The following TIMD4 variants were observed in gnomAD, a reference collection of about 807,000 sequenced individuals.
TIMD4 encodes T cell immunoglobulin and mucin domain containing 4.
In TIMD4, 31 loss-of-function variants were observed where a neutral mutation model predicts 41.2. The observed-to-expected ratio is 0.75, with a 90% confidence interval of 0.57 to 1.01. The LOEUF (loss-of-function observed/expected upper bound fraction) is 1.01, where lower values mean the gene tolerates loss of function less well. Ranked by LOEUF, TIMD4 falls within the 50% of genes least tolerant of loss-of-function variation. The pLI is 0.00. For synonymous variants in TIMD4, 204 were observed against 177.1 expected, an observed-to-expected ratio of 1.15 and a Z score of -1.21; for missense variants, 479 against 472.5, an observed-to-expected ratio of 1.01 and a Z score of -0.13.
In TIMD4 at chr5:156,960,803, G is replaced by A. The variant is rs1268271005; in HGVS notation, c.58+2338C>T. 2.6e-5 allele frequency among the ~76,000 whole-genome samples: 4 copies of A among 152,256 alleles called. No homozygotes were observed. The South Asian group carries it at 6.2e-4, about 24-fold the overall frequency. On this transcript the variant is annotated intron_variant, in intron 1 of 8. Coordinates refer to ENST00000274532, the MANE Select transcript of TIMD4 (RefSeq NM_138379.3). ...AGCAGACCTGGGCTGCCCTCATGGG[G>A]CCTGCAGAGTACCTAGGAAGATAGT... is the stretch of plus-strand genomic sequence containing the variant.
chr5:156,947,440 C>T (rs1561551452), intron 5 of TIMD4, among the ~76,000 whole-genome samples: 1 of 152,148 alleles, frequency 6.6e-6, no homozygotes, highest in Non-Finnish European at 1.5e-5. Flanking sequence ...GGTCACCATC[C>T]TAACTACAGA....
At chr5:156,927,165 T>G (rs1053770275) in intron 5 of TIMD4, among the ~76,000 whole-genome samples, 1 of 152,248 alleles carries the variant, frequency 6.6e-6, no homozygotes, top group African/African-American at 2.4e-5. Flanking sequence ...CATTGAAAGT[T>G]TTATTAGAAT....
At chr5:156,944,186 G>A (rs1759696378) in intron 5 of TIMD4, among the ~76,000 whole-genome samples, 1 of 152,144 alleles carries the variant, frequency 6.6e-6, no homozygotes, top group Non-Finnish European at 1.5e-5. Context: ...TGGGACCTAT[G>A]TCATATTTTC....
At chr5:156,951,921 C>T (rs1452636248) in intron 2 of TIMD4, 131 bp from the exon 3 acceptor site, 4 of 1,265,438 alleles carry the variant, frequency 3.2e-6, no homozygotes, top group African/African-American at 1.5e-5. Flanking sequence ...TTGTAATGCC[C>T]AATAAAATTG....
At chr5:156,921,951 C>G in intron 7 of TIMD4, 148 bp downstream of exon 7, 1 of 608,380 alleles carries the variant, frequency 1.6e-6, no homozygotes, top group East Asian at 2.9e-5. Flanking sequence ...AATGAACTTA[C>G]CTGTTACTTC....
At chr5:156,931,079 A>T (rs575692474) in intron 5 of TIMD4, among the ~76,000 whole-genome samples, 3 of 152,198 alleles carry the variant, frequency 2.0e-5, no homozygotes, top group African/African-American at 7.2e-5. Flanking sequence ...AGAGAGAGAG[A>T]TATTTGAAGA....
intron 6 of TIMD4, chr5:156,924,570 C>T: frequency 3.4e-6 from 1 of 290,108 alleles, no homozygotes; most frequent in Non-Finnish European, 7.0e-6. Flanking sequence ...TATCCATTAT[C>T]CACAGCAAGC....
intron 8 of TIMD4, 60 bp from the exon 9 acceptor site, chr5:156,919,601 C>A: frequency 1.4e-6 from 2 of 1,394,158 alleles, no homozygotes; most frequent in Non-Finnish European, 2.0e-6. Flanking sequence ...CAAAACAAAA[C>A]AGATGCTGCT....
At position 156,960,032 on chromosome 5, in the gene TIMD4, G is replaced by C. The variant is rs1281193390; in HGVS notation, c.58+3109C>G. On this transcript the variant is annotated intron_variant, in intron 1 of 8. Coordinates refer to ENST00000274532, the MANE Select transcript of TIMD4 (RefSeq NM_138379.3). ...CACTCCAGCCTGGGCATTGGAGTGA[G>C]ACTCTGTCTCGAAAAAACCCAAAAA... Among the ~76,000 whole-genome samples the C allele has an allele frequency of 2.0e-5, 3 of 151,614 alleles. No individual in the cohort carries two copies. The East Asian group carries it at 5.8e-4, about 29-fold the overall frequency.
intron 6 of TIMD4, 23 bp from the exon 7 acceptor site, chr5:156,922,239 ATGGACCCAG>A (rs1207773558): frequency 6.3e-7 from 1 of 1,585,748 alleles, no homozygotes; most frequent in South Asian, 1.1e-5. Context: ...AGGCAAGGAG[ATGGACCCAG>A]TCACTGCTAG....
chr5:156,924,358 G>C (rs927262865), intron 6 of TIMD4: 2 of 368,308 alleles, frequency 5.4e-6, no homozygotes, highest in South Asian at 2.4e-5. Context: ...TGTCAGGAAA[G>C]GTACTCCTAA....
intron 5 of TIMD4, among the ~76,000 whole-genome samples, chr5:156,946,350 T>C (rs531321546): frequency 6.6e-6 from 1 of 152,346 alleles, no homozygotes; most frequent in South Asian, 2.1e-4. Flanking sequence ...TTTCCCACTG[T>C]ATGAGTTAGT....
chr5:156,919,605 TG>T, intron 8 of TIMD4, 64 bp from the exon 9 acceptor site: 2 of 1,349,238 alleles, frequency 1.5e-6, no homozygotes, highest in Non-Finnish European at 2.1e-6. Context: ...ACAAAACAGA[TG>T]CTGCTAAGTT....
intron 1 of TIMD4, among the ~76,000 whole-genome samples, chr5:156,958,574 G>A (rs1760023325): frequency 6.6e-6 from 1 of 152,174 alleles, no homozygotes; most frequent in African/African-American, 2.4e-5. Flanking sequence ...AAATGACTTA[G>A]CCTCCTGAGA....
chr5:156,942,470 C>T (rs1759667191), intron 5 of TIMD4, among the ~76,000 whole-genome samples: 2 of 152,178 alleles, frequency 1.3e-5, no homozygotes, highest in Non-Finnish European at 2.9e-5. Flanking sequence ...CCCCTACATC[C>T]CCTGGAAGTT....
chr5:156,920,534 G>C, intron 7 of TIMD4, 31 bp from the exon 8 acceptor site: 1 of 1,612,892 alleles, frequency 6.2e-7, no homozygotes, highest in Non-Finnish European at 8.5e-7. Context: ...TGTGAGCAGA[G>C]TGGCTGCGGT....
At position 156,949,639 on chromosome 5, in the gene TIMD4, G is replaced by T; in HGVS notation, c.760+12C>A. 6.2e-7 allele frequency: 1 copy of T among 1,602,040 alleles called. No individual in the cohort carries two copies. Among genetic ancestry groups the T allele is most frequent in the Non-Finnish European group, 8.6e-7 (1 of 1,169,190 alleles). Reference sequence around the variant, plus strand: ...GGGTGAGGGAGGACAGAGAGAGTGAGTGTCTGCACACCTTTGGATGTCAGC... The same window carrying T: ...GGGTGAGGGAGGACAGAGAGAGTGATTGTCTGCACACCTTTGGATGTCAGC... On this transcript the variant is annotated intron_variant, in intron 4 of 8. Transcript: ENST00000274532.
At chr5:156,962,394 A>G (rs978229821) in intron 1 of TIMD4, among the ~76,000 whole-genome samples, 4 of 109,758 alleles carry the variant, frequency 3.6e-5, no homozygotes, top group African/African-American at 6.2e-5. Flanking sequence ...ATGTATAGTT[A>G]TTTTGTATCC....
intron 6 of TIMD4, among the ~76,000 whole-genome samples, chr5:156,923,868 CTCTCTGT>C (rs1759298700): frequency 2.6e-5 from 4 of 151,930 alleles, no homozygotes; most frequent in African/African-American, 9.7e-5. Flanking sequence ...GACAGGGTCT[CTCTCTGT>C]TGCCTACGTT....
Sources: allele counts gnomAD v4.1 joint callset (sites outside exome capture counted in the v4.1 genomes callset), GRCh38; gene constraint gnomAD v4.1.1; transcripts MANE v1.5; gene names NCBI Gene and HGNC (gene_info 2026-07-23, HGNC 2026-07-21).